TASP1: variants seen among roughly 807,000 people sequenced by gnomAD.
TASP1 encodes the protein threonine aspartase 1.
A neutral mutation model predicts 56.6 loss-of-function variants in TASP1; 16 were observed. The observed-to-expected ratio is 0.28, with a 90% CI of 0.19 to 0.43. TASP1 has a LOEUF of 0.43. Ranked by LOEUF, TASP1 falls within the 20% of genes least tolerant of loss-of-function variation. TASP1 has a pLI of 1.00. For missense variants in TASP1, 393 were observed against 511.6 expected, an observed-to-expected ratio of 0.77 and a Z score of 2.24; for synonymous variants, 179 against 184.2, an observed-to-expected ratio of 0.97 and a Z score of 0.23.
the TASP1 span, among the ~76,000 whole-genome samples, chr20:13,120,758 A>T: frequency 6.6e-6 from 1 of 152,244 alleles, no homozygotes. Flanking sequence ...TTTTCCTCAC[A>T]AAGTGTCCTA....
the TASP1 span, among the ~76,000 whole-genome samples, chr20:13,287,078 C>T: frequency 7.6e-6 from 1 of 131,278 alleles, no homozygotes; most frequent in South Asian, 2.5e-4. Flanking sequence ...CCTACCACTC[C>T]AAGACTTTAC....
the TASP1 span, among the ~76,000 whole-genome samples, chr20:13,277,158 A>G: frequency 3.3e-5 from 5 of 152,182 alleles, no homozygotes; most frequent in African/African-American, 1.2e-4. Context: ...AAAAAATCAT[A>G]TTGACGGTAA....
chr20:13,254,524 G>A, the TASP1 span, among the ~76,000 whole-genome samples: 2 of 152,172 alleles, frequency 1.3e-5, no homozygotes. Flanking sequence ...GCTCTCTGTT[G>A]CTTTGCCAGG....
At chr20:13,549,375 T>G (rs150457418) in intron 8 of TASP1, among the ~76,000 whole-genome samples, 6 of 152,276 alleles carry the variant, frequency 3.9e-5, no homozygotes, top group African/African-American at 1.2e-4. Context: ...AATTAAGCAC[T>G]GGTTATTTCT....
At chr20:13,517,481 A>G (rs1006226456) in intron 10 of TASP1, among the ~76,000 whole-genome samples, 1 of 152,168 alleles carries the variant, frequency 6.6e-6, no homozygotes, top group Non-Finnish European at 1.5e-5. Flanking sequence ...CAAGCTAAGC[A>G]GTATTTCCGC....
downstream of TASP1, among the ~76,000 whole-genome samples, chr20:13,387,420 C>T (rs544449724): frequency 8.3e-4 from 127 of 152,150 alleles, no homozygotes; most frequent in South Asian, 1.7e-3. Context: ...AACTCCTGAC[C>T]TCAGGTGATC....
At chr20:13,494,249 G>C (rs2043642438) in intron 10 of TASP1, among the ~76,000 whole-genome samples, 1 of 152,122 alleles carries the variant, frequency 6.6e-6, no homozygotes, top group South Asian at 2.1e-4. Flanking sequence ...TGACATCTAT[G>C]CTTCAGCTTC....
the TASP1 span, among the ~76,000 whole-genome samples, chr20:13,122,632 A>G: frequency 6.6e-6 from 1 of 152,222 alleles, no homozygotes; most frequent in Admixed American, 6.5e-5. Flanking sequence ...TACCTACCTT[A>G]AAGAGTTATT....
intron 12 of TASP1, among the ~76,000 whole-genome samples, chr20:13,431,796 G>C (rs2042818190): frequency 6.6e-6 from 1 of 152,234 alleles, no homozygotes; most frequent in South Asian, 2.1e-4. Flanking sequence ...TAGATTAATG[G>C]GTTATCATGG....
At chr20:13,368,575 G>A in the TASP1 span, 1 of 152,258 alleles carries the variant, frequency 6.6e-6, no homozygotes, top group African/African-American at 2.4e-5. Context: ...AGGCAGAGCA[G>A]TCTTCTGCAT....
rs1031536663 is a variant in TASP1 at position 13,434,973 on chromosome 20, G to A, written c.1096+71C>T. 5 of 1,080,688 alleles carry A rather than the reference G, an allele frequency of 4.6e-6. No individual in the cohort carries two copies. The Admixed American group carries it at 7.1e-5, about 15-fold the overall frequency. 66.9% of individuals were successfully genotyped at this position (1,080,688 alleles called of 1,614,324 possible). A position where few individuals can be genotyped will look rare whatever the true frequency, so the allele number is the denominator to read the frequency against. On this transcript the variant is annotated intron_variant, in intron 12 of 13. Transcript: ENST00000337743. ...CGCAGTTTAAAATTATTGACTTAAGGGTATAAATATTTTCATTTTTTCTTG... is the reference window on the plus strand; with the variant it reads ...CGCAGTTTAAAATTATTGACTTAAGAGTATAAATATTTTCATTTTTTCTTG...
At chr20:13,334,453 T>G in the TASP1 span, among the ~76,000 whole-genome samples, 1 of 152,220 alleles carries the variant, frequency 6.6e-6, no homozygotes, top group African/African-American at 2.4e-5. Context: ...ACCTTTCTCT[T>G]TTGGTCTGCC....
chr20:13,232,621 T>C, the TASP1 span, among the ~76,000 whole-genome samples: 13 of 152,380 alleles, frequency 8.5e-5, no homozygotes, highest in African/African-American at 3.1e-4. Flanking sequence ...AACATTTGCT[T>C]TCATTTCTCT....
At chr20:13,160,182 A>C in the TASP1 span, 1 of 1,549,632 alleles carries the variant, frequency 6.5e-7, no homozygotes, top group Non-Finnish European at 8.8e-7. Context: ...CCTTGGATTC[A>C]AAGCAAGTCC....
At chr20:13,634,125 C>CA (rs1471374789) in intron 1 of TASP1, among the ~76,000 whole-genome samples, 3 of 152,002 alleles carry the variant, frequency 2.0e-5, no homozygotes, top group African/African-American at 7.3e-5. Context: ...TCACAGCATC[C>CA]AAAAACAACC....
At chr20:13,221,457 A>C in the TASP1 span, among the ~76,000 whole-genome samples, 2 of 142,024 alleles carry the variant, frequency 1.4e-5, no homozygotes, top group African/African-American at 2.5e-5. Flanking sequence ...CCCGGGACCC[A>C]GTCTCCGTCT....
chr20:13,130,107 C>A, the TASP1 span, among the ~76,000 whole-genome samples: 1 of 152,168 alleles, frequency 6.6e-6, no homozygotes, highest in Non-Finnish European at 1.5e-5. Context: ...TTCTGCCTGA[C>A]ACATCTTTTG....
the TASP1 span, among the ~76,000 whole-genome samples, chr20:13,354,965 C>T: frequency 2.0e-5 from 3 of 152,182 alleles, no homozygotes; most frequent in East Asian, 1.9e-4. Flanking sequence ...AATCACAGTT[C>T]CCTACTTGGT....
chr20:13,111,486 A>C, the TASP1 span, among the ~76,000 whole-genome samples: 2 of 152,214 alleles, frequency 1.3e-5, no homozygotes, highest in African/African-American at 4.8e-5. Flanking sequence ...TACAACACAG[A>C]GTTATCTAGC....
Sources: allele counts gnomAD v4.1 joint callset (sites outside exome capture counted in the v4.1 genomes callset), GRCh38; gene constraint gnomAD v4.1.1; transcripts MANE v1.5; gene names NCBI Gene and HGNC (gene_info 2026-07-23, HGNC 2026-07-21).